Variants in SZT2 observed in about 807,000 individuals in gnomAD.
SZT2 encodes SZT2 subunit of KICSTOR complex, also known as KICSTOR complex protein SZT2.
Under a neutral mutation model 404.2 loss-of-function variants are expected in SZT2, and 216 were observed. The observed-to-expected ratio is 0.53, with a 90% CI of 0.48 to 0.60. The LOEUF (loss-of-function observed/expected upper bound fraction) is 0.60. Ranked by LOEUF, SZT2 falls within the 20% of genes least tolerant of loss-of-function variation. The pLI is 0.00. For synonymous variants in SZT2, 1,693 were observed against 1,749.9 expected, an observed-to-expected ratio of 0.97 and a Z score of 0.81; for missense variants, 3,857 against 4,459.2, an observed-to-expected ratio of 0.86 and a Z score of 3.85.
At position 43,442,816 on chromosome 1, in the gene SZT2, C is replaced by T. The variant is rs370670185; in HGVS notation, c.8152-3C>T. The T allele has an allele frequency of 5.0e-6, 8 of 1,595,036 alleles. No homozygotes were observed. In the African/African-American group the frequency reaches 6.7e-5, roughly 13 times the overall value. On this transcript the variant is annotated splice_region_variant and splice_polypyrimidine_tract_variant and intron_variant, in intron 58 of 71. Coordinates refer to ENST00000634258, the MANE Select transcript of SZT2 (RefSeq NM_001365999.1). This position sits in a 1 kb window ranked among gnomAD's most constrained non-coding sequence, Gnocchi z 4.5. ...GAACCCATTGCAATGCTCCATCTCTCAGGAGCCAAACCCATTCCTGCTGCC... is the reference window on the plus strand; with the variant it reads ...GAACCCATTGCAATGCTCCATCTCTTAGGAGCCAAACCCATTCCTGCTGCC...
chr1:43,396,028 A>G (rs1175310286), intron 1 of SZT2, among the ~76,000 whole-genome samples: 2 of 152,240 alleles, frequency 1.3e-5, no homozygotes, highest in Non-Finnish European at 1.5e-5. Context: ...AGCCAGGTGC[A>G]TGAGGATAAA....
chr1:43,414,452 C>T (rs1306958942), intron 4 of SZT2, among the ~76,000 whole-genome samples: 1 of 152,056 alleles, frequency 6.6e-6, no homozygotes, highest in Non-Finnish European at 1.5e-5. Flanking sequence ...TATACAGTCT[C>T]ACTCTGTAGC....
chr1:43,430,668 ACC>A lies in SZT2; in HGVS notation c.4655_4656del (p.Pro1552HisfsTer4). The A allele has an allele frequency of 6.2e-7, 1 of 1,613,992 alleles. No homozygotes were observed. The highest frequency in any genetic ancestry group is 8.5e-7 in the Non-Finnish European group (1 of 1,180,020). The part of the protein sequence containing the change: ...DSFSILGGDS[P>X]TGPESFLHDL... ...CCTTCAGTATCTTGGGGGGCGACTCACCCACTGGGCCTGAGAGCTTCCTTCAT... is the reference window on the plus strand; with the variant it reads ...CCTTCAGTATCTTGGGGGGCGACTCACACTGGGCCTGAGAGCTTCCTTCAT... On this transcript the variant is annotated frameshift_variant, in exon 32 of 72. Coordinates refer to ENST00000634258, the MANE Select transcript of SZT2 (RefSeq NM_001365999.1). LOFTEE classifies it high-confidence loss of function.
chr1:43,448,841 G>C lies in SZT2; in HGVS notation c.10086+113G>C, dbSNP rs1656022250. The C allele has an allele frequency of 1.0e-6, 1 of 958,844 alleles. No homozygotes were observed. Among genetic ancestry groups the C allele is most frequent in the South Asian group, 1.4e-5 (1 of 73,128 alleles). The allele number at this position is 958,844 out of a possible 1,614,324, so 59.4% of individuals were successfully genotyped here. On this transcript the variant is annotated intron_variant, in intron 70 of 71. Transcript: ENST00000634258. The surrounding 1 kb of genome is among the most constrained non-coding windows in gnomAD (Gnocchi z 4.2). ...TCTGCTCTGGAGGGAGGCCTAGACA[G>C]AACGGGACTACACAGATACATGTAA... is the stretch of plus-strand genomic sequence containing the variant.
intron 4 of SZT2, chr1:43,406,249 G>A (rs1035048180): frequency 1.1e-4 from 37 of 329,928 alleles, no homozygotes; most frequent in Non-Finnish European, 2.1e-4. Context: ...TACCACACCC[G>A]GCTAATTTTT....
rs376134899 is a variant in SZT2 at position 43,426,735 on chromosome 1, G to A, written c.3235G>A (p.Gly1079Arg). ...HVPGAEGPLL[G>R]VHGIPKEQAV... ...TGTAGGTGCCGAGGGGCCACTGCTG[G>A]GGGTTCATGGGATCCCGAAGGAGCA... Residue 1079 changes from glycine (G) to arginine (R), a missense_variant, in exon 23 of 72, where the codon GGG (glycine) becomes AGG (arginine). By Grantham distance (125) the Gly-to-Arg change is moderately radical. Transcript: ENST00000634258. This position sits in a 1 kb window ranked among gnomAD's most constrained non-coding sequence, Gnocchi z 4.9. 6.2e-7 allele frequency: 1 copy of A among 1,612,760 alleles called. No individual in the cohort carries two copies. The highest frequency in any genetic ancestry group is 1.3e-5 in the African/African-American group (1 of 74,898).
At position 43,440,058 on chromosome 1, in the gene SZT2, T is replaced by G. The variant is rs762495533; in HGVS notation, c.7210+10T>G. ...GAGGACACACCCACAGGTATGCAAGTCAAGAGGTCCCTGGGGTCCAGAGAA... is the reference window on the plus strand; with the variant it reads ...GAGGACACACCCACAGGTATGCAAGGCAAGAGGTCCCTGGGGTCCAGAGAA... On this transcript the variant is annotated intron_variant, in intron 51 of 71. Transcript: ENST00000634258. 5 of 1,613,484 alleles carry G rather than the reference T, an allele frequency of 3.1e-6. No individual in the cohort carries two copies. Among genetic ancestry groups the G allele is most frequent in the Non-Finnish European group, 4.2e-6 (5 of 1,179,796 alleles).
In SZT2 at chr1:43,389,949, CGGCGCGGGAG is replaced by C; in HGVS notation, c.-16_-7del. On this transcript the variant is annotated 5_prime_UTR_variant, in exon 1 of 72. Transcript: ENST00000634258. ...GTGGAACACCCTCACTGGCCCGGGC[CGGCGCGGGAG>C]GGCTGTGTGATGGCCTCGGAGCGCC... 6.8e-7 allele frequency: 1 copy of C among 1,461,072 alleles called. No individual in the cohort carries two copies. The highest frequency in any genetic ancestry group is 1.8e-4 in the Middle Eastern group (1 of 5,514). 90.5% of individuals were successfully genotyped at this position (1,461,072 alleles called of 1,614,324 possible). A position where few individuals can be genotyped will look rare whatever the true frequency, so the allele number is the denominator to read the frequency against.
intron 7 of SZT2, among the ~76,000 whole-genome samples, chr1:43,417,860 C>G (rs541821593): frequency 4.6e-5 from 7 of 152,168 alleles, no homozygotes; most frequent in Non-Finnish European, 8.8e-5. Flanking sequence ...CACCAGTGTT[C>G]AAGGTCTTTC....
chr1:43,425,727 C>T lies in SZT2; in HGVS notation c.2814+85C>T. 1 of 1,595,558 alleles carries T rather than the reference C, an allele frequency of 6.3e-7. No homozygotes were observed. Among genetic ancestry groups the T allele is most frequent in the South Asian group, 1.1e-5 (1 of 89,772 alleles). On this transcript the variant is annotated intron_variant, in intron 19 of 71. Coordinates refer to ENST00000634258, the MANE Select transcript of SZT2 (RefSeq NM_001365999.1). This position sits in a 1 kb window ranked among gnomAD's most constrained non-coding sequence, Gnocchi z 4.3. ...TGGAGTACTGCAGTCTGTGGGCTTC[C>T]TGGTCCCTCTGAATGGCTGGGACTG... is the stretch of plus-strand genomic sequence containing the variant.
chr1:43,427,401 C>G lies in SZT2; in HGVS notation c.3554C>G (p.Ala1185Gly). Residue 1185 changes from alanine to glycine, a missense_variant, in exon 25 of 72, where the codon GCT becomes GGT. Ala to Gly is a moderately conservative substitution (Grantham distance 60). This residue lies in a region of SZT2 where 1,725 missense variants were observed against 1,881.0 expected (regional missense o/e 0.92). Coordinates refer to ENST00000634258, the MANE Select transcript of SZT2 (RefSeq NM_001365999.1). Reference sequence around the variant, plus strand: ...GATCTAGGAGGAACTGGGATCAAAGCTACAAAGTCCCACGTCCCTGTCCTC... The same window carrying G: ...GATCTAGGAGGAACTGGGATCAAAGGTACAAAGTCCCACGTCCCTGTCCTC... ...LKDLGGTGIKATKSHVPVLSV... is the reference protein window; with the variant it reads ...LKDLGGTGIKGTKSHVPVLSV... 2 of 1,613,814 alleles carry G rather than the reference C, an allele frequency of 1.2e-6. No individual in the cohort carries two copies. Among genetic ancestry groups the G allele is most frequent in the Non-Finnish European group, 1.7e-6 (2 of 1,179,862 alleles).
At chr1:43,436,183 G>T (rs927670682) in intron 42 of SZT2, 13 of 152,122 alleles carry the variant, frequency 8.5e-5, no homozygotes, top group African/African-American at 3.1e-4. Flanking sequence ...GTTCTCCTCT[G>T]GTTTAAAAGT....
chr1:43,404,948 G>A (rs1650121759), intron 4 of SZT2: 1 of 158,514 alleles, frequency 6.3e-6, no homozygotes, highest in Non-Finnish European at 1.4e-5. Context: ...GATTTTGAAA[G>A]ACAGCACATA....
chr1:43,407,913 A>G (rs976133432), intron 4 of SZT2, among the ~76,000 whole-genome samples: 2 of 145,848 alleles, frequency 1.4e-5, no homozygotes, highest in Admixed American at 1.4e-4. Flanking sequence ...GTTCACTGCA[A>G]CCTCCACCTC....
At position 43,426,999 on chromosome 1, in the gene SZT2, G is replaced by C. The variant is rs964299099; in HGVS notation, c.3310-57G>C. On this transcript the variant is annotated intron_variant, in intron 23 of 71. Coordinates refer to ENST00000634258, the MANE Select transcript of SZT2 (RefSeq NM_001365999.1). This position sits in a 1 kb window ranked among gnomAD's most constrained non-coding sequence, Gnocchi z 4.9. ...GAGTCAGCTCTAGGGTGGAGGAGGG[G>C]AACAGGGGTTGGACATTCCCTTATA... The C allele has an allele frequency of 5.0e-6, 8 of 1,605,222 alleles. No homozygotes were observed. In the African/African-American group the frequency reaches 8.0e-5, roughly 16 times the overall value.
intron 3 of SZT2, 85 bp from the exon 4 acceptor site, chr1:43,404,295 C>A: frequency 8.5e-7 from 1 of 1,172,954 alleles, no homozygotes; most frequent in Non-Finnish European, 1.2e-6. Context: ...GTTAAGTGTC[C>A]TACTGACCCA....
chr1:43,429,503 GAAAAA>G, intron 28 of SZT2, 195 bp from the exon 29 acceptor site: 1 of 604,264 alleles, frequency 1.7e-6, no homozygotes, highest in South Asian at 2.1e-5. Flanking sequence ...AAAAAGGAAA[GAAAAA>G]AGAAAAAGAA....
In SZT2 at chr1:43,445,750, A is replaced by C. The variant is rs1655584423; in HGVS notation, c.8826-144A>C. 8 of 802,704 alleles carry C rather than the reference A, an allele frequency of 1.0e-5. No individual in the cohort carries two copies. In the East Asian group the frequency reaches 2.1e-4, roughly 21 times the overall value. 49.7% of individuals were successfully genotyped at this position (802,704 alleles called of 1,614,324 possible). ...CAGTCTAGACCTGGACTCCAAGCCC[A>C]GCCTTGCCACTCACAGTGGCAGCTT... On this transcript the variant is annotated intron_variant, in intron 62 of 71. Transcript: ENST00000634258.
Position 43,426,648 on chromosome 1 carries a change from C to T in SZT2, c.3215-67C>T. ...TTGGCTTTCCCCTTCCTCCCCCTTT[C>T]TTCAACCCAGAGTCCCGCCTCTCTG... is the stretch of plus-strand genomic sequence containing the variant. On this transcript the variant is annotated intron_variant, in intron 22 of 71. Coordinates refer to ENST00000634258, the MANE Select transcript of SZT2 (RefSeq NM_001365999.1). This position sits in a 1 kb window ranked among gnomAD's most constrained non-coding sequence, Gnocchi z 4.9. 4 of 1,522,244 alleles carry T rather than the reference C, an allele frequency of 2.6e-6. No homozygotes were observed. Among genetic ancestry groups the T allele is most frequent in the East Asian group, 2.4e-5 (1 of 40,924 alleles). 94.3% of individuals were successfully genotyped at this position (1,522,244 alleles called of 1,614,324 possible).
Sources: gnomAD v4.1 joint callset for allele counts (sites outside exome capture counted in the v4.1 genomes callset) on GRCh38, gnomAD v4.1.1 for gene constraint, gnomAD v4.1.1 regional missense constraint, Gnocchi (gnomAD v3.1) non-coding constraint, MANE v1.5 for transcripts, NCBI Gene and HGNC (gene_info 2026-07-23, HGNC 2026-07-21) for gene names.